Variants in DOCK9 observed in about 807,000 individuals in gnomAD.
DOCK9 encodes the protein dedicator of cytokinesis protein 9.
DOCK9 carries 89 observed loss-of-function variants against 263.3 expected under a neutral mutation model. The observed-to-expected ratio is 0.34, with a 90% CI of 0.28 to 0.40. DOCK9 has a LOEUF of 0.40. Among genes scored for constraint, DOCK9 ranks in the 10% least tolerant of loss-of-function variants. The pLI, the probability that DOCK9 is intolerant of heterozygous loss-of-function variation, is 1.00. For missense variants in DOCK9, 2,140 were observed against 2,603.4 expected (o/e 0.82, Z 3.87); for synonymous variants, 976 against 973.1 (o/e 1.00, Z -0.06).
intron 1 of DOCK9, among the ~76,000 whole-genome samples, chr13:99,034,511 T>A (rs557039329): frequency 2.6e-4 from 39 of 152,172 alleles, no homozygotes; most frequent in African/African-American, 9.4e-4. Context: ...TAACCTTGAG[T>A]CAATCATTAA....
At chr13:98,938,814 A>G (rs1004757470) in intron 2 of DOCK9, among the ~76,000 whole-genome samples, 6 of 152,172 alleles carry the variant, frequency 3.9e-5, no homozygotes, top group Non-Finnish European at 7.3e-5. Flanking sequence ...AAAACATCAT[A>G]TTTTATAAAA....
intron 13 of DOCK9, among the ~76,000 whole-genome samples, chr13:98,900,359 C>T (rs1001490048): frequency 2.7e-4 from 41 of 152,120 alleles, no homozygotes; most frequent in African/African-American, 8.2e-4. Context: ...CATACACGGT[C>T]GGGGGAGGAG....
rs1164249926 is a variant in DOCK9 at position 98,977,800 on chromosome 13, C to T, written c.110G>A (p.Ser37Asn). ...CCCTCTTACCGGCACAGGGCCCGGG[C>T]TCTCTGCTTCCACTTCGCCCTGAGC... ...DAAQGEVEAE[S>N]PGPVPAKPKL... The change falls in exon 1 of 53, where the codon AGC becomes AAC. Residue 37 changes from serine to asparagine, a missense_variant. By Grantham distance (46) the Ser-to-Asn change is conservative (BLOSUM62 1). Transcript: ENST00000682017. 6.8e-6 allele frequency: 11 copies of T among 1,611,618 alleles called. No homozygotes were observed. Among genetic ancestry groups the T allele is most frequent in the Non-Finnish European group, 8.5e-6 (10 of 1,179,000 alleles).
intron 30 of DOCK9, 79 bp downstream of exon 30, chr13:98,867,346 G>A (rs2094057459): frequency 1.2e-6 from 1 of 849,960 alleles, no homozygotes; most frequent in South Asian, 1.7e-5. Flanking sequence ...CAAATATCAT[G>A]TTTGAATCAA....
chr13:98,810,353 C>T, intron 45 of DOCK9, 62 bp from the exon 46 acceptor site: 2 of 1,594,202 alleles, frequency 1.3e-6, no homozygotes, highest in Non-Finnish European at 8.5e-7. Flanking sequence ...ACATGGCACC[C>T]GTTGCAGAAT....
intron 1 of DOCK9, among the ~76,000 whole-genome samples, chr13:98,992,698 T>C (rs532239657): frequency 1.3e-5 from 2 of 152,312 alleles, no homozygotes; most frequent in African/African-American, 4.8e-5. Flanking sequence ...TCCACCATGA[T>C]TGTGAGGCTT....
intron 9 of DOCK9, among the ~76,000 whole-genome samples, chr13:98,912,622 T>C (rs1420202461): frequency 3.9e-5 from 6 of 151,982 alleles, no homozygotes; most frequent in African/African-American, 1.4e-4. Context: ...TAAATATATG[T>C]ATATCTTAAA....
chr13:98,907,964 C>T (rs1158248476), intron 9 of DOCK9, among the ~76,000 whole-genome samples: 3 of 152,122 alleles, frequency 2.0e-5, no homozygotes, highest in Non-Finnish European at 4.4e-5. Context: ...GAGGCAGGTA[C>T]TATTATTATC....
In DOCK9 at chr13:98,800,223, A is replaced by T. The variant is rs1003544049; in HGVS notation, c.5916+65T>A. 3.4e-6 allele frequency: 5 copies of T among 1,487,142 alleles called. No individual in the cohort carries two copies. In the African/African-American group the frequency reaches 4.2e-5, roughly 12 times the overall value. 92.1% of individuals were successfully genotyped at this position (1,487,142 alleles called of 1,614,324 possible). A position where few individuals can be genotyped will look rare whatever the true frequency, so the allele number is the denominator to read the frequency against. On this transcript the variant is annotated intron_variant, in intron 50 of 52. Transcript: ENST00000682017. ...CAAGTAGACCTTGTTAGTGGAAACG[A>T]CTCTCAAGTCACCCAGGGGCAAGGA...
At chr13:99,041,078 C>T (rs1320916381) in intron 1 of DOCK9, among the ~76,000 whole-genome samples, 1 of 152,098 alleles carries the variant, frequency 6.6e-6, no homozygotes, top group Non-Finnish European at 1.5e-5. Context: ...GCCAGAGCAC[C>T]TATGAAAGGA....
intron 2 of DOCK9, among the ~76,000 whole-genome samples, chr13:98,937,986 G>T (rs553941275): frequency 1.6e-4 from 24 of 152,338 alleles, no homozygotes; most frequent in Admixed American, 8.5e-4. Context: ...GGAGGTACCT[G>T]TTTCCTCACC....
At chr13:98,943,002 C>T (rs567606906) in intron 2 of DOCK9, among the ~76,000 whole-genome samples, 2 of 152,262 alleles carry the variant, frequency 1.3e-5, no homozygotes, top group South Asian at 2.1e-4. Flanking sequence ...AGTGAACTTT[C>T]CTTCGGGACT....
At chr13:98,852,834 C>T (rs1198864414) in intron 35 of DOCK9, among the ~76,000 whole-genome samples, 1 of 152,196 alleles carries the variant, frequency 6.6e-6, no homozygotes, top group African/African-American at 2.4e-5. Context: ...CATAGTTCTG[C>T]TCATTCTTAT....
At chr13:98,897,718 T>G in intron 14 of DOCK9, 108 bp from the exon 15 acceptor site, 1 of 1,422,502 alleles carries the variant, frequency 7.0e-7, no homozygotes, top group Admixed American at 2.1e-5. Flanking sequence ...CCATTGGCTA[T>G]AGCCAACAGA....
chr13:98,837,409 TAGTA>T (rs1240875987), intron 39 of DOCK9, 81 bp downstream of exon 39: 4 of 865,438 alleles, frequency 4.6e-6, no homozygotes, highest in Non-Finnish European at 7.5e-6. Context: ...AAATGCAACA[TAGTA>T]AGTTTGTGCT....
chr13:98,794,250 G>A lies in DOCK9; in HGVS notation c.*376C>T, dbSNP rs768089464. On this transcript the variant is annotated 3_prime_UTR_variant, in exon 53 of 53. Coordinates refer to ENST00000682017, the MANE Select transcript of DOCK9 (RefSeq NM_001366683.2). ...TTTCCAGCTCAGCCTCGAGGCAAAAGGTCCCCCAGGCATCAATGTCAGTGC... is the reference window on the plus strand; with the variant it reads ...TTTCCAGCTCAGCCTCGAGGCAAAAAGTCCCCCAGGCATCAATGTCAGTGC... The A allele has an allele frequency of 5.1e-6, 1 of 196,716 alleles. No individual in the cohort carries two copies. The highest frequency in any genetic ancestry group is 2.3e-5 in the African/African-American group (1 of 43,262). 12.2% of individuals were successfully genotyped at this position (196,716 alleles called of 1,614,324 possible).
intron 1 of DOCK9, among the ~76,000 whole-genome samples, chr13:99,069,955 A>G (rs2041595830): frequency 6.6e-6 from 1 of 152,236 alleles, no homozygotes. Flanking sequence ...TCATCAAGAA[A>G]CAGAAATAAT....
At chr13:98,885,534 A>AC (rs2045557964) in intron 20 of DOCK9, 174 bp downstream of exon 20, 1 of 551,464 alleles carries the variant, frequency 1.8e-6, no homozygotes, top group Non-Finnish European at 2.7e-6. Context: ...GAGCTCAAAA[A>AC]TTAAAAAAAA....
chr13:98,888,211 C>A lies in DOCK9; in HGVS notation c.1990G>T (p.Ala664Ser). ...GAATCTTTGAATTCAATGCAAATCG[C>A]AATATTTCTAGCCTGCAGCAATAAA... ...QKSFAKARNIAICIEFKDSDE... is the reference protein window; with the variant it reads ...QKSFAKARNISICIEFKDSDE... Residue 664 changes from alanine (A) to serine (S), a missense_variant, in exon 18 of 53, where the codon GCG becomes TCG. Physicochemically the swap from Ala to Ser is moderately conservative, Grantham distance 99. This residue lies in a region of DOCK9 where 1,521 missense variants were observed against 1,741.7 expected (regional missense o/e 0.87). Coordinates refer to ENST00000682017, the MANE Select transcript of DOCK9 (RefSeq NM_001366683.2). The A allele has an allele frequency of 6.2e-7, 1 of 1,610,478 alleles. No homozygotes were observed. The highest frequency in any genetic ancestry group is 1.7e-4 in the Middle Eastern group (1 of 6,056).
Sources: gnomAD v4.1 joint callset for allele counts (sites outside exome capture counted in the v4.1 genomes callset) on GRCh38, gnomAD v4.1.1 for gene constraint, gnomAD v4.1.1 regional missense constraint, MANE v1.5 for transcripts, NCBI Gene and HGNC (gene_info 2026-07-23, HGNC 2026-07-21) for gene names.